Variants in GATM observed in about 807,000 individuals in gnomAD.
The protein encoded by GATM is glycine amidinotransferase.
Under a neutral mutation model 54.2 loss-of-function variants are expected in GATM, and 23 were observed. The ratio of observed to expected loss-of-function variants is 0.42; its 90% confidence interval spans 0.31 to 0.60. The LOEUF (loss-of-function observed/expected upper bound fraction) is 0.60. Ranked by LOEUF, GATM falls within the 20% of genes least tolerant of loss-of-function variation. GATM has a pLI of 0.14. For synonymous variants in GATM, 168 were observed against 183.1 expected (o/e 0.92, Z 0.67); for missense variants, 401 against 544.9 (o/e 0.74, Z 2.63).
upstream of GATM, chr15:45,380,599 G>C (rs896775764): frequency 2.6e-5 from 4 of 151,996 alleles, no homozygotes; most frequent in Non-Finnish European, 4.4e-5. Flanking sequence ...CACATAACAA[G>C]CCCTTGAGAT....
At chr15:45,396,536 C>T (rs1293540505) in intron 3 of GATM, among the ~76,000 whole-genome samples, 3 of 152,048 alleles carry the variant, frequency 2.0e-5, no homozygotes, top group African/African-American at 4.8e-5. Context: ...GATAAGCTGG[C>T]AGCACACAGT....
At chr15:45,365,935 G>C in intron 6 of GATM, 111 bp downstream of exon 6, 1 of 1,009,256 alleles carries the variant, frequency 9.9e-7, no homozygotes. Context: ...GAGTACTGCT[G>C]AATCTGTCAT....
At chr15:45,364,647 C>G in intron 7 of GATM, 150 bp downstream of exon 7, 2 of 707,946 alleles carry the variant, frequency 2.8e-6, no homozygotes, top group Admixed American at 4.6e-5. Flanking sequence ...CAGCCTTGTT[C>G]TGATGCTCAC....
intron 3 of GATM, among the ~76,000 whole-genome samples, chr15:45,383,563 A>C (rs1355243673): frequency 1.3e-5 from 2 of 151,716 alleles, no homozygotes; most frequent in Non-Finnish European, 2.9e-5. Flanking sequence ...ACTAAACTTA[A>C]AGGCAAAGGC....
intron 4 of GATM, among the ~76,000 whole-genome samples, chr15:45,367,160 G>A (rs1278377381): frequency 6.6e-6 from 1 of 152,112 alleles, no homozygotes; most frequent in African/African-American, 2.4e-5. Flanking sequence ...GGCCAACATG[G>A]TGAAACCCCG....
chr15:45,401,649 C>G (rs1016303511), intron 1 of GATM, among the ~76,000 whole-genome samples: 5 of 152,084 alleles, frequency 3.3e-5, no homozygotes, highest in Non-Finnish European at 7.3e-5. Context: ...CTGTTGTGCC[C>G]CAATTAGACA....
chr15:45,376,761 G>C lies in GATM; in HGVS notation c.128C>G (p.Thr43Arg), dbSNP rs868522260. 1.9e-6 allele frequency: 3 copies of C among 1,614,180 alleles called. No homozygotes were observed. The highest frequency in any genetic ancestry group is 2.5e-6 in the Non-Finnish European group (3 of 1,180,034). The change falls in exon 2 of 9, where the codon ACG becomes AGG. Residue 43 changes from threonine to arginine, a missense_variant. Coordinates refer to ENST00000396659, the MANE Select transcript of GATM (RefSeq NM_001482.3). ...TGCACAGGAGTTCCGGGAGGAAGCC[G>C]TAGCTGCCTGGGTGCTCTGGAAAGT... ...QRTFQSTQAA[T>R]ASSRNSCAAD...
chr15:45,377,270 TTTTA>T, intron 1 of GATM: 1 of 464,038 alleles, frequency 2.2e-6, no homozygotes, highest in South Asian at 1.6e-5. Context: ...ATATTAGGCT[TTTTA>T]TTTATTTTTT....
chr15:45,376,355 G>C (rs1889633513), intron 2 of GATM, among the ~76,000 whole-genome samples: 1 of 152,216 alleles, frequency 6.6e-6, no homozygotes, highest in African/African-American at 2.4e-5. Context: ...TCTGAGGACA[G>C]TGAAAGAACT....
At chr15:45,397,801 A>C (rs976005755) in intron 2 of GATM, among the ~76,000 whole-genome samples, 1 of 152,156 alleles carries the variant, frequency 6.6e-6, no homozygotes, top group Non-Finnish European at 1.5e-5. Flanking sequence ...GGCAGTCTTG[A>C]GGGACTGGGC....
rs752584451 is a variant in GATM at position 45,368,092 on chromosome 15, A to G, written c.653T>C (p.Met218Thr). Residue 218 changes from methionine (M) to threonine (T), a missense_variant, in exon 4 of 9, where the codon ATG (methionine) becomes ACG (threonine). Coordinates refer to ENST00000396659, the MANE Select transcript of GATM (RefSeq NM_001482.3). This position sits in a 1 kb window ranked among gnomAD's most constrained non-coding sequence, Gnocchi z 5.1. Reference sequence around the variant, plus strand: ...CACCTGGTTATAAAGCTCATCAGCCATTGTGGGCTTAGGAGCTGTTGTCCA... The same window carrying G: ...CACCTGGTTATAAAGCTCATCAGCCGTTGTGGGCTTAGGAGCTGTTGTCCA... ...AKWTTAPKPT[M>T]ADELYNQDYP... 2 of 1,614,120 alleles carry G rather than the reference A, an allele frequency of 1.2e-6. No individual in the cohort carries two copies. The highest frequency in any genetic ancestry group is 1.7e-6 in the Non-Finnish European group (2 of 1,180,006).
At chr15:45,366,960 A>G (rs1248078837) in intron 4 of GATM, among the ~76,000 whole-genome samples, 1 of 152,216 alleles carries the variant, frequency 6.6e-6, no homozygotes. Flanking sequence ...GTACAGGAAA[A>G]AACAAAATAT....
Position 45,396,627 on chromosome 15 carries a change from T to C in GATM, c.-319+295A>G, listed in dbSNP as rs550279621. On this transcript the variant is annotated intron_variant, in intron 3 of 4. Transcript: ENST00000561148. ...GGCTCACACCTGTAATCCCAATACTTTGGGAAGCTGAGGTGGGCGGGTCAT... is the reference window on the plus strand; with the variant it reads ...GGCTCACACCTGTAATCCCAATACTCTGGGAAGCTGAGGTGGGCGGGTCAT... Among the ~76,000 whole-genome samples, 40 of 152,116 alleles carry C rather than the reference T, an allele frequency of 2.6e-4. 1 individual carries two copies. Among genetic ancestry groups the C allele is most frequent in the Admixed American group, 1.9e-3 (29 of 15,282 alleles).
intron 3 of GATM, among the ~76,000 whole-genome samples, chr15:45,391,438 CT>C (rs1889873466): frequency 2.0e-5 from 3 of 152,102 alleles, no homozygotes; most frequent in Non-Finnish European, 4.4e-5. Flanking sequence ...AAAAACAATG[CT>C]CATCTCTTTT....
At chr15:45,397,751 G>C (rs912648593) in intron 2 of GATM, among the ~76,000 whole-genome samples, 1 of 152,230 alleles carries the variant, frequency 6.6e-6, no homozygotes, top group East Asian at 1.9e-4. Context: ...AGAAGCACAA[G>C]TCACAATCTG....
intron 3 of GATM, among the ~76,000 whole-genome samples, chr15:45,394,805 A>G (rs539840433): frequency 2.0e-5 from 3 of 152,286 alleles, no homozygotes; most frequent in African/African-American, 7.2e-5. Context: ...ATTCTAAACA[A>G]AGTTCCCTAT....
At position 45,375,476 on chromosome 15, in the gene GATM, G is replaced by A. The variant is rs1233184744; in HGVS notation, c.288+1125C>T. Among the ~76,000 whole-genome samples the A allele has an allele frequency of 2.0e-5, 3 of 152,196 alleles. No individual in the cohort carries two copies. The South Asian group carries it at 6.2e-4, about 31-fold the overall frequency. ...TAGGTGGTGGTAGGTTTAAACTACA[G>A]ACTAAAGGGCACAGGAAGATGGATG... is the stretch of plus-strand genomic sequence containing the variant. On this transcript the variant is annotated intron_variant, in intron 2 of 8. Transcript: ENST00000396659.
upstream of GATM, among the ~76,000 whole-genome samples, chr15:45,382,659 G>A (rs758800778): frequency 6.6e-6 from 1 of 151,942 alleles, no homozygotes; most frequent in Non-Finnish European, 1.5e-5. Flanking sequence ...CAGGCGTGTT[G>A]GTGCACACCT....
rs566966378 is a variant in GATM at position 45,362,185 on chromosome 15, T to C, written c.1196A>G (p.Asn399Ser). The C allele has an allele frequency of 4.3e-6, 7 of 1,613,830 alleles. No homozygotes were observed. The highest frequency in any genetic ancestry group is 1.3e-5 in the African/African-American group (1 of 75,016). The change falls in exon 9 of 9, where the codon AAT becomes AGT. Residue 399 changes from asparagine to serine, a missense_variant. Transcript: ENST00000396659. ...GCAATGGAAGCCTCCTCCCAGGGAA[T>C]TGGCATTACGAATGTTAACTTTAAT... ...TTIKVNIRNA[N>S]SLGGGFHCWT... is the part of the protein sequence containing the mutation.
Sources: allele counts gnomAD v4.1 joint callset (sites outside exome capture counted in the v4.1 genomes callset), GRCh38; gene constraint gnomAD v4.1.1; non-coding constraint Gnocchi (gnomAD v3.1); transcripts MANE v1.5; gene names NCBI Gene and HGNC (gene_info 2026-07-23, HGNC 2026-07-21).